DPH5: variants seen among roughly 807,000 people sequenced by gnomAD.
DPH5 encodes diphthine methyl ester synthase.
Under a neutral mutation model 31.6 loss-of-function variants are expected in DPH5, and 31 were observed. The observed-to-expected ratio is 0.98, with a 90% CI of 0.74 to 1.32. The LOEUF (loss-of-function observed/expected upper bound fraction) is 1.32. Among genes scored for constraint, DPH5 ranks in the 40% most tolerant of loss-of-function variants. The pLI is 0.00. For synonymous variants in DPH5, 120 were observed against 115.0 expected (o/e 1.04, Z -0.28); for missense variants, 309 against 335.7 (o/e 0.92, Z 0.62).
At chr1:100,994,702 T>C (rs1388126405) in intron 6 of DPH5, among the ~76,000 whole-genome samples, 1 of 152,166 alleles carries the variant, frequency 6.6e-6, no homozygotes, top group Non-Finnish European at 1.5e-5. Context: ...AATTTTTCCA[T>C]TTTTAGTAGA....
intron 4 of DPH5, among the ~76,000 whole-genome samples, chr1:101,003,835 T>C (rs922448635): frequency 9.9e-5 from 15 of 152,176 alleles, no homozygotes; most frequent in African/African-American, 3.6e-4. Flanking sequence ...CTGTTTACAT[T>C]CTAAAAAGGA....
At chr1:100,992,763 C>T (rs774506735) in intron 6 of DPH5, 23 bp from the exon 7 acceptor site, 1 of 1,542,624 alleles carries the variant, frequency 6.5e-7, no homozygotes, top group East Asian at 2.2e-5. Flanking sequence ...AACTAGATGC[C>T]ACTGTTCTTA....
At position 100,990,510 on chromosome 1, in the gene DPH5, C is replaced by G; in HGVS notation, c.756G>C (p.Leu252Phe). ...TVDLGEPLHSLIITGGSIHPM... is the reference protein window; with the variant it reads ...TVDLGEPLHSFIITGGSIHPM... ...GATGTATGCTGCCTCCTGTGATGAT[C>G]AAGGAATGCAATGGTTCTCCCAAGT... is the stretch of plus-strand genomic sequence containing the variant. Residue 252 changes from leucine to phenylalanine, a missense_variant, in exon 8 of 8, where the codon TTG (leucine) becomes TTC (phenylalanine). Leu to Phe is a conservative substitution (Grantham distance 22, BLOSUM62 0). Coordinates refer to ENST00000370109, the MANE Select transcript of DPH5 (RefSeq NM_015958.3). 6.2e-7 allele frequency: 1 copy of G among 1,614,144 alleles called. No individual in the cohort carries two copies. Among genetic ancestry groups the G allele is most frequent in the Non-Finnish European group, 8.5e-7 (1 of 1,180,026 alleles).
intron 5 of DPH5, among the ~76,000 whole-genome samples, chr1:101,001,160 A>G (rs1219184528): frequency 6.6e-6 from 1 of 152,238 alleles, no homozygotes. Context: ...GTGCATGTCT[A>G]TTGGATTGCA....
intron 4 of DPH5, among the ~76,000 whole-genome samples, chr1:101,002,235 A>G (rs1441234513): frequency 2.0e-5 from 3 of 152,194 alleles, no homozygotes; most frequent in Admixed American, 2.0e-4. Flanking sequence ...TGGCCCACCC[A>G]GGTTCACCAT....
At chr1:100,995,072 A>G (rs374370479) in intron 6 of DPH5, 38 bp downstream of exon 6, 2 of 1,459,840 alleles carry the variant, frequency 1.4e-6, no homozygotes. Context: ...GTTCAAGGAA[A>G]TAAAACACAT....
chr1:101,020,226 T>A (rs1294917168), intron 3 of DPH5, among the ~76,000 whole-genome samples: 4 of 152,126 alleles, frequency 2.6e-5, no homozygotes, highest in Admixed American at 2.6e-4. Flanking sequence ...TTGAACCCTA[T>A]CCAGACCCAG....
At position 100,989,719 on chromosome 1, in the gene DPH5, C is replaced by T. The variant is rs962304319; in HGVS notation, c.*689G>A. ...ATTCAAGTGATTCAAATTCCAGTTACCTCTAAGTTATATTCTGTTAACAAC... is the reference window on the plus strand; with the variant it reads ...ATTCAAGTGATTCAAATTCCAGTTATCTCTAAGTTATATTCTGTTAACAAC... On this transcript the variant is annotated 3_prime_UTR_variant, in exon 8 of 8. Transcript: ENST00000370109. The T allele has an allele frequency of 5.9e-5, 9 of 152,256 alleles. No homozygotes were observed. Among genetic ancestry groups the T allele is most frequent in the African/African-American group, 2.2e-4 (9 of 41,538 alleles). The allele number at this position is 152,256 out of a possible 1,614,324, so 9.4% of individuals were successfully genotyped here.
intron 4 of DPH5, among the ~76,000 whole-genome samples, chr1:101,012,307 A>G (rs1659754773): frequency 6.6e-6 from 1 of 152,156 alleles, no homozygotes; most frequent in Non-Finnish European, 1.5e-5. Context: ...TAGCAGCCTG[A>G]AGCCATGGTT....
intron 6 of DPH5, among the ~76,000 whole-genome samples, chr1:100,992,947 C>T (rs997542401): frequency 6.6e-6 from 1 of 152,178 alleles, no homozygotes; most frequent in African/African-American, 2.4e-5. Context: ...TAACTTTCCT[C>T]TGATCTCACT....
At chr1:101,013,068 T>C (rs1659815635) in intron 4 of DPH5, among the ~76,000 whole-genome samples, 1 of 152,228 alleles carries the variant, frequency 6.6e-6, no homozygotes, top group Non-Finnish European at 1.5e-5. Flanking sequence ...AAAACCACTG[T>C]TAGCCAAGCA....
intron 4 of DPH5, among the ~76,000 whole-genome samples, chr1:101,007,169 AGT>A: frequency 6.6e-6 from 1 of 152,248 alleles, no homozygotes; most frequent in South Asian, 2.1e-4. Context: ...ACACATACTA[AGT>A]GTTGAATAAA....
chr1:101,015,647 C>A (rs1660023906), intron 3 of DPH5, among the ~76,000 whole-genome samples: 1 of 152,224 alleles, frequency 6.6e-6, no homozygotes, highest in African/African-American at 2.4e-5. Flanking sequence ...GCATTCACTT[C>A]TCCTCTCTAG....
chr1:101,021,238 G>GA (rs200317961), intron 3 of DPH5, among the ~76,000 whole-genome samples: 60 of 151,834 alleles, frequency 4.0e-4, no homozygotes, highest in Admixed American at 6.6e-4. Flanking sequence ...ATTACAAAAG[G>GA]AAAAAAAACC....
intron 4 of DPH5, among the ~76,000 whole-genome samples, chr1:101,006,175 C>T (rs1422991996): frequency 1.3e-5 from 2 of 152,168 alleles, no homozygotes; most frequent in Non-Finnish European, 2.9e-5. Context: ...AAAATTGAGT[C>T]ACAATTGACC....
At chr1:100,994,374 GCTC>G (rs1658133608) in intron 6 of DPH5, among the ~76,000 whole-genome samples, 1 of 152,058 alleles carries the variant, frequency 6.6e-6, no homozygotes, top group Non-Finnish European at 1.5e-5. Flanking sequence ...CATTTCAAAT[GCTC>G]CTTAGTCACA....
intron 3 of DPH5, among the ~76,000 whole-genome samples, chr1:101,020,183 C>G (rs1660346710): frequency 6.6e-6 from 1 of 152,102 alleles, no homozygotes; most frequent in Non-Finnish European, 1.5e-5. Context: ...TTCCTTCTAC[C>G]TTTCTCCTGG....
Position 100,990,467 on chromosome 1 carries a change from G to A in DPH5, c.799C>T (p.Leu267=), listed in dbSNP as rs779327558. 1.2e-6 allele frequency: 2 copies of A among 1,614,034 alleles called. No homozygotes were observed. Among genetic ancestry groups the A allele is most frequent in the Non-Finnish European group, 1.7e-6 (2 of 1,179,994 alleles). The change falls in exon 8 of 8, where the codon CTA becomes TTA. Residue 267 remains leucine, a synonymous_variant. Coordinates refer to ENST00000370109, the MANE Select transcript of DPH5 (RefSeq NM_015958.3). Reference sequence around the variant, plus strand: ...TTTTCTGGTATGGAAAACAGACTTAGCATCTCCATCTCCATTGGATGTATG... The same window carrying A: ...TTTTCTGGTATGGAAAACAGACTTAACATCTCCATCTCCATTGGATGTATG... ...GSIHPMEMEM[L]SLFSIPENSS...
chr1:100,993,645 C>G (rs1658046503), intron 6 of DPH5, among the ~76,000 whole-genome samples: 1 of 140,948 alleles, frequency 7.1e-6, no homozygotes, highest in African/African-American at 2.6e-5. Flanking sequence ...TTTACTGACT[C>G]TCAAAAAAAT....
Sources: gnomAD v4.1 joint callset for allele counts (sites outside exome capture counted in the v4.1 genomes callset) on GRCh38, gnomAD v4.1.1 for gene constraint, MANE v1.5 for transcripts, NCBI Gene and HGNC (gene_info 2026-07-23, HGNC 2026-07-21) for gene names.